Variants in BMPR1A observed in about 807,000 individuals in gnomAD.
BMPR1A encodes bone morphogenetic protein receptor type-1A.
BMPR1A carries 7 observed loss-of-function variants against 66.0 expected under a neutral mutation model. The ratio of observed to expected loss-of-function variants is 0.11; its 90% CI spans 0.06 to 0.20. BMPR1A has a LOEUF of 0.20. BMPR1A is among the 10% of genes least tolerant of loss of function. BMPR1A has a pLI of 1.00. For missense variants in BMPR1A, 408 were observed against 669.1 expected, an observed-to-expected ratio of 0.61 and a Z score of 4.31; for synonymous variants, 200 against 229.7, an observed-to-expected ratio of 0.87 and a Z score of 1.17.
chr10:86,866,405 T>TTTTTTTC (rs1842787087), intron 2 of BMPR1A, among the ~76,000 whole-genome samples: 1 of 105,552 alleles, frequency 9.5e-6, no homozygotes, highest in African/African-American at 4.8e-5. Flanking sequence ...CTTTCTTTTT[T>TTTTTTTC]TTTTTTTTTT....
At chr10:86,836,620 A>G (rs1424268729) in intron 1 of BMPR1A, among the ~76,000 whole-genome samples, 1 of 152,158 alleles carries the variant, frequency 6.6e-6, no homozygotes, top group Non-Finnish European at 1.5e-5. Flanking sequence ...CGACATGACG[A>G]GACCCTGTCT....
chr10:86,859,606 G>C (rs530232418), intron 2 of BMPR1A, among the ~76,000 whole-genome samples: 186 of 152,132 alleles, frequency 1.2e-3, no homozygotes, highest in African/African-American at 4.4e-3. Flanking sequence ...GATCACCTGA[G>C]GTCAGGAGTT....
intron 2 of BMPR1A, among the ~76,000 whole-genome samples, chr10:86,871,791 G>GA (rs1207433346): frequency 6.8e-6 from 1 of 147,210 alleles, no homozygotes; most frequent in Non-Finnish European, 1.5e-5. Context: ...AACAGAGTGA[G>GA]ACTCTGCCTC....
At chr10:86,865,150 A>G (rs2133256491) in intron 2 of BMPR1A, among the ~76,000 whole-genome samples, 1 of 152,026 alleles carries the variant, frequency 6.6e-6, no homozygotes. Flanking sequence ...AAAAGAATGA[A>G]TATGCCCTGC....
At chr10:86,772,921 A>G (rs1416995231) in intron 1 of BMPR1A, among the ~76,000 whole-genome samples, 3 of 152,210 alleles carry the variant, frequency 2.0e-5, no homozygotes, top group African/African-American at 7.2e-5. Context: ...GGTAACATCT[A>G]TAAACATTTT....
rs182741334 is a variant in BMPR1A, at chr10:86,759,471, C to T, written c.-268+2552C>T. ...TTCTACATATCTGTACCTGATTGTT[C>T]TGAGCTGCTTTTCCTTAGCAAACTT... is the stretch of plus-strand genomic sequence containing the variant. On this transcript the variant is annotated intron_variant, in intron 1 of 12. Transcript: ENST00000372037. 7.3e-4 allele frequency among the ~76,000 whole-genome samples: 111 copies of T among 152,166 alleles called. 1 individual carries two copies. Among genetic ancestry groups the T allele is most frequent in the Non-Finnish European group, 1.2e-3 (85 of 68,006 alleles).
chr10:86,863,258 G>A (rs555856258), intron 2 of BMPR1A, among the ~76,000 whole-genome samples: 54 of 152,274 alleles, frequency 3.5e-4, no homozygotes, highest in African/African-American at 1.2e-3. Flanking sequence ...GATTACAGAC[G>A]AGAGCCACTG....
chr10:86,856,817 T>G (rs1031213066), intron 2 of BMPR1A, among the ~76,000 whole-genome samples: 1 of 152,220 alleles, frequency 6.6e-6, no homozygotes, highest in Non-Finnish European at 1.5e-5. Flanking sequence ...TCCGATTAAC[T>G]GGCTGCAAAT....
intron 1 of BMPR1A, among the ~76,000 whole-genome samples, chr10:86,760,761 A>G (rs1841040374): frequency 6.6e-6 from 1 of 152,150 alleles, no homozygotes; most frequent in South Asian, 2.1e-4. Flanking sequence ...AGTAGGAACC[A>G]TTTCTTTTCC....
At chr10:86,778,220 A>G (rs890245688) in intron 1 of BMPR1A, among the ~76,000 whole-genome samples, 3 of 150,386 alleles carry the variant, frequency 2.0e-5, no homozygotes, top group Non-Finnish European at 3.0e-5. Context: ...AAAACATGAG[A>G]TTTTTTTTGC....
Position 86,791,459 on chromosome 10 carries a change from G to A in BMPR1A, c.-268+34540G>A, listed in dbSNP as rs542990832. Among the ~76,000 whole-genome samples the A allele has an allele frequency of 1.7e-4, 25 of 151,452 alleles. No homozygotes were observed. In the East Asian group the frequency reaches 4.9e-3, roughly 30 times the overall value. On this transcript the variant is annotated intron_variant, in intron 1 of 12. Coordinates refer to ENST00000372037, the MANE Select transcript of BMPR1A (RefSeq NM_004329.3). Reference sequence around the variant, plus strand: ...AATCTCCTCACCTCGTGATGTCCCCGCCTCGGCCTCCCAAAGTGCTGGGAT... The same window carrying A: ...AATCTCCTCACCTCGTGATGTCCCCACCTCGGCCTCCCAAAGTGCTGGGAT...
At chr10:86,776,874 A>T (rs1213087997) in intron 1 of BMPR1A, among the ~76,000 whole-genome samples, 1 of 151,880 alleles carries the variant, frequency 6.6e-6, no homozygotes. Context: ...CAAAGTTTCC[A>T]CCCTACCTCA....
At chr10:86,868,587 C>T (rs532525322) in intron 2 of BMPR1A, among the ~76,000 whole-genome samples, 44 of 152,088 alleles carry the variant, frequency 2.9e-4, no homozygotes, top group Admixed American at 5.2e-4. Flanking sequence ...AGCTGCCTGG[C>T]GGGGAGGGAC....
intron 8 of BMPR1A, among the ~76,000 whole-genome samples, chr10:86,913,077 T>C (rs1263853400): frequency 1.3e-5 from 2 of 152,060 alleles, no homozygotes; most frequent in African/African-American, 4.8e-5. Flanking sequence ...TTTTTAATTG[T>C]ATTAGTTGAA....
At chr10:86,920,826 T>C (rs60844116) in intron 10 of BMPR1A, among the ~76,000 whole-genome samples, 4,987 of 151,294 alleles carry the variant, frequency 0.033, 187 homozygotes, top group African/African-American at 0.091. Context: ...AATTATCTAC[T>C]ACTTTATCTT....
chr10:86,764,899 T>C (rs1456151576), intron 1 of BMPR1A, among the ~76,000 whole-genome samples: 3 of 152,184 alleles, frequency 2.0e-5, no homozygotes, highest in Admixed American at 6.5e-5. Flanking sequence ...GATGATACTG[T>C]TAGGGATACA....
At chr10:86,920,460 G>A (rs192959652) in intron 10 of BMPR1A, among the ~76,000 whole-genome samples, 3 of 152,150 alleles carry the variant, frequency 2.0e-5, no homozygotes, top group African/African-American at 7.2e-5. Context: ...GAATGGAGTG[G>A]CTGCTTTACA....
At position 86,772,133 on chromosome 10, in the gene BMPR1A, T is replaced by G. The variant is rs555992371; in HGVS notation, c.-268+15214T>G. ...GGCGATGGTCAGAGATAGGTTTTTT[T>G]TTTTTTTTTTTTTTTGAGACAGAGT... On this transcript the variant is annotated intron_variant, in intron 1 of 12. Coordinates refer to ENST00000372037, the MANE Select transcript of BMPR1A (RefSeq NM_004329.3). Among the ~76,000 whole-genome samples, 74 of 144,824 alleles carry G rather than the reference T, an allele frequency of 5.1e-4. No individual in the cohort carries two copies. The East Asian group carries it at 0.012, about 24-fold the overall frequency.
chr10:86,831,639 C>T (rs1351216148), intron 1 of BMPR1A, among the ~76,000 whole-genome samples: 2 of 152,218 alleles, frequency 1.3e-5, no homozygotes, highest in East Asian at 3.8e-4. Context: ...TGGCACTTGC[C>T]TGTAGTCCCA....
Sources: allele counts gnomAD v4.1 joint callset (sites outside exome capture counted in the v4.1 genomes callset), GRCh38; gene constraint gnomAD v4.1.1; transcripts MANE v1.5; gene names NCBI Gene and HGNC (gene_info 2026-07-23, HGNC 2026-07-21).